Variants in ERBB4 observed in about 807,000 individuals in gnomAD.
The protein encoded by ERBB4 is erb-b2 receptor tyrosine kinase 4, also known as receptor tyrosine-protein kinase erbB-4.
Under a neutral mutation model 158.0 loss-of-function variants are expected in ERBB4, and 42 were observed. The observed-to-expected ratio is 0.27, with a 90% CI of 0.21 to 0.34. ERBB4 has a LOEUF of 0.34. Ranked by LOEUF, ERBB4 falls within the 10% of genes least tolerant of loss-of-function variation. The pLI, the probability that ERBB4 is intolerant of heterozygous loss-of-function variation, is 1.00. For synonymous variants in ERBB4, 583 were observed against 558.7 expected (o/e 1.04, Z -0.61); for missense variants, 1,333 against 1,624.1 (o/e 0.82, Z 3.08).
intron 1 of ERBB4, among the ~76,000 whole-genome samples, chr2:212,287,088 C>T (rs565128455): frequency 6.7e-4 from 102 of 151,956 alleles, no homozygotes; most frequent in Non-Finnish European, 1.2e-3. Context: ...GGCACAACCT[C>T]GATCAGCATG....
At chr2:212,059,478 T>C (rs556545662) in intron 2 of ERBB4, among the ~76,000 whole-genome samples, 21 of 152,312 alleles carry the variant, frequency 1.4e-4, no homozygotes, top group African/African-American at 4.6e-4. Context: ...AGAGCCCACA[T>C]TGCCAAGACA....
At chr2:211,827,563 GT>G (rs146453743) in intron 3 of ERBB4, among the ~76,000 whole-genome samples, 6 of 148,768 alleles carry the variant, frequency 4.0e-5, no homozygotes, top group South Asian at 2.1e-4. Context: ...AGACAAAGTG[GT>G]TTTTTTTTCA....
At chr2:212,017,559 C>T (rs1000464961) in intron 2 of ERBB4, among the ~76,000 whole-genome samples, 17 of 152,094 alleles carry the variant, frequency 1.1e-4, no homozygotes, top group Non-Finnish European at 2.4e-4. Flanking sequence ...AAAGGCCATG[C>T]TCTCTCAGTA....
intron 1 of ERBB4, among the ~76,000 whole-genome samples, chr2:212,137,946 T>A (rs1347253368): frequency 3.3e-5 from 5 of 152,194 alleles, no homozygotes; most frequent in Non-Finnish European, 7.3e-5. Context: ...GTCACGTATT[T>A]ATTCAATAAA....
chr2:211,986,803 A>C (rs2125243580), intron 2 of ERBB4, among the ~76,000 whole-genome samples: 1 of 152,248 alleles, frequency 6.6e-6, no homozygotes, highest in South Asian at 2.1e-4. Context: ...AATTGCTGAA[A>C]ATTTTTACTA....
At chr2:211,749,456 A>G (rs1452025471) in intron 5 of ERBB4, among the ~76,000 whole-genome samples, 2 of 152,214 alleles carry the variant, frequency 1.3e-5, no homozygotes, top group African/African-American at 4.8e-5. Flanking sequence ...AAAATACACC[A>G]AAATAGCCAA....
chr2:211,803,346 T>A (rs2076542464), intron 3 of ERBB4, among the ~76,000 whole-genome samples: 1 of 152,198 alleles, frequency 6.6e-6, no homozygotes, highest in African/African-American at 2.4e-5. Context: ...TTTATCAGTA[T>A]AGATTATATT....
In ERBB4 at chr2:211,624,026, G is replaced by A. The variant is rs142249882; in HGVS notation, c.2098C>T (p.Pro700Ser). Residue 700 changes from proline to serine, a missense_variant, in exon 18 of 28, where the codon CCC (proline) becomes TCC (serine). This residue lies in a region of ERBB4 where 314 missense variants were observed against 437.6 expected (regional missense o/e 0.72). Transcript: ENST00000342788. ...LETELVEPLT[P>S]SGTAPNQAQL... Reference sequence around the variant, plus strand: ...GCTTGATTGGGTGCTGTGCCACTGGGAGTTAATGGTTCCACCAACTGCAAA... The same window carrying A: ...GCTTGATTGGGTGCTGTGCCACTGGAAGTTAATGGTTCCACCAACTGCAAA... 6.2e-7 allele frequency: 1 copy of A among 1,614,082 alleles called. No individual in the cohort carries two copies. Among genetic ancestry groups the A allele is most frequent in the Non-Finnish European group, 8.5e-7 (1 of 1,179,996 alleles).
At chr2:212,265,885 G>A (rs2106102058) in intron 1 of ERBB4, among the ~76,000 whole-genome samples, 1 of 152,068 alleles carries the variant, frequency 6.6e-6, no homozygotes, top group African/African-American at 2.4e-5. Context: ...ATGAATCAAA[G>A]TTTTCACTTC....
chr2:212,375,886 A>G (rs2090302555), intron 1 of ERBB4, among the ~76,000 whole-genome samples: 1 of 152,096 alleles, frequency 6.6e-6, no homozygotes, highest in Non-Finnish European at 1.5e-5. Flanking sequence ...GCTTTATGAA[A>G]AGTTTGCACA....
At chr2:212,041,329 C>G (rs1028846006) in intron 2 of ERBB4, among the ~76,000 whole-genome samples, 7 of 150,612 alleles carry the variant, frequency 4.6e-5, no homozygotes, top group African/African-American at 1.7e-4. Flanking sequence ...ACAGATATAT[C>G]TAAGCTAATG....
At chr2:212,533,842 G>A (rs1239962414) in intron 1 of ERBB4, among the ~76,000 whole-genome samples, 1 of 152,214 alleles carries the variant, frequency 6.6e-6, no homozygotes, top group Non-Finnish European at 1.5e-5. Context: ...ATACTCAGTA[G>A]ATCACTGTAA....
chr2:211,906,425 A>C (rs982860357), intron 3 of ERBB4, among the ~76,000 whole-genome samples: 18 of 152,302 alleles, frequency 1.2e-4, no homozygotes, highest in African/African-American at 4.1e-4. Context: ...TTTAGAAGAA[A>C]AAATCAAGAG....
At chr2:212,017,869 G>C (rs555300912) in intron 2 of ERBB4, among the ~76,000 whole-genome samples, 100 of 152,150 alleles carry the variant, frequency 6.6e-4, no homozygotes, top group South Asian at 1.2e-3. Context: ...GAGAAAATAA[G>C]CATGCCACAC....
chr2:212,220,655 T>C (rs2083263746), intron 1 of ERBB4, among the ~76,000 whole-genome samples: 1 of 151,430 alleles, frequency 6.6e-6, no homozygotes, highest in Non-Finnish European at 1.5e-5. Flanking sequence ...CAAAATGTCT[T>C]TGCACATATT....
At chr2:212,078,845 T>G (rs1007357933) in intron 2 of ERBB4, among the ~76,000 whole-genome samples, 1 of 151,218 alleles carries the variant, frequency 6.6e-6, no homozygotes, top group African/African-American at 2.4e-5. Context: ...ACACTAATTA[T>G]TACTAGTTAC....
At chr2:212,210,515 T>G (rs1238444974) in intron 1 of ERBB4, among the ~76,000 whole-genome samples, 1 of 152,112 alleles carries the variant, frequency 6.6e-6, no homozygotes, top group Admixed American at 6.6e-5. Context: ...ATATTTTATT[T>G]ATAATATCTA....
At chr2:212,009,996 G>A (rs568291272) in intron 2 of ERBB4, among the ~76,000 whole-genome samples, 4 of 152,140 alleles carry the variant, frequency 2.6e-5, no homozygotes, top group Non-Finnish European at 2.9e-5. Flanking sequence ...CATAACTTCC[G>A]TTTTAAAATC....
At chr2:212,065,183 T>C (rs2077905637) in intron 2 of ERBB4, among the ~76,000 whole-genome samples, 1 of 152,086 alleles carries the variant, frequency 6.6e-6, no homozygotes. Context: ...TTGTTGAATA[T>C]ATTCAAAGAG....
Sources: gnomAD v4.1 joint callset for allele counts (sites outside exome capture counted in the v4.1 genomes callset) on GRCh38, gnomAD v4.1.1 for gene constraint, gnomAD v4.1.1 regional missense constraint, MANE v1.5 for transcripts, NCBI Gene and HGNC (gene_info 2026-07-23, HGNC 2026-07-21) for gene names.